Variants in ATP13A4 observed in about 807,000 individuals in gnomAD.
ATP13A4 encodes probable cation-transporting ATPase 13A4.
In ATP13A4, 114 loss-of-function variants were observed where a neutral mutation model predicts 142.5. That is an observed-to-expected ratio of 0.80 (90% CI 0.69 to 0.93). The LOEUF is 0.93. Among genes scored for constraint, ATP13A4 ranks in the 40% least tolerant of loss-of-function variants. ATP13A4 has a pLI of 0.00. For missense variants in ATP13A4, 1,392 were observed against 1,454.0 expected (o/e 0.96, Z 0.69); for synonymous variants, 488 against 514.8 (o/e 0.95, Z 0.70).
intron 26 of ATP13A4, among the ~76,000 whole-genome samples, chr3:193,413,331 C>T (rs905172686): frequency 1.3e-5 from 2 of 152,078 alleles, no homozygotes; most frequent in Non-Finnish European, 2.9e-5. Context: ...CACCTCAGGA[C>T]CACTATTGTA....
At chr3:193,505,368 T>C (rs942077820) in intron 2 of ATP13A4, among the ~76,000 whole-genome samples, 1 of 152,154 alleles carries the variant, frequency 6.6e-6, no homozygotes, top group Non-Finnish European at 1.5e-5. Flanking sequence ...AAAGGCCATA[T>C]TAATCCAGTG....
At chr3:193,554,924 ACTC>A, upstream of ATP13A4, 1 of 1,603,678 alleles carries the variant, frequency 6.2e-7, no homozygotes, top group Non-Finnish European at 8.5e-7. Flanking sequence ...CCAGGTTAAA[ACTC>A]CTCCTTGAGC....
intron 2 of ATP13A4, among the ~76,000 whole-genome samples, chr3:193,578,296 AATATCTATATCTATATCTATATCT>A (rs60425298): frequency 7.5e-5 from 11 of 146,394 alleles, no homozygotes; most frequent in African/African-American, 2.5e-4. Flanking sequence ...CCATCTCAGA[AATATCTATATCTATATCTATATCT>A]ATATCTATAT....
intron 7 of ATP13A4, among the ~76,000 whole-genome samples, chr3:193,487,878 A>T (rs948852023): frequency 6.6e-6 from 1 of 152,226 alleles, no homozygotes; most frequent in Non-Finnish European, 1.5e-5. Flanking sequence ...AACCAAATAC[A>T]TATCAACATT....
chr3:193,495,201 T>C (rs1720156900), intron 3 of ATP13A4, among the ~76,000 whole-genome samples: 2 of 152,052 alleles, frequency 1.3e-5, no homozygotes, highest in South Asian at 2.1e-4. Context: ...ACTCAGACTA[T>C]TCCAGAAAAT....
intron 12 of ATP13A4, 77 bp downstream of exon 12, chr3:193,464,863 C>G: frequency 6.7e-7 from 1 of 1,486,722 alleles, no homozygotes; most frequent in East Asian, 2.3e-5. Flanking sequence ...TCCTGCCTTG[C>G]AAGGGGGTAA....
At chr3:193,436,660 C>T (rs1261536720) in intron 23 of ATP13A4, among the ~76,000 whole-genome samples, 5 of 151,572 alleles carry the variant, frequency 3.3e-5, no homozygotes, top group Non-Finnish European at 7.4e-5. Flanking sequence ...TCACGTTGGC[C>T]AAGCTGGTCT....
At chr3:193,481,088 C>T (rs1719265187) in intron 8 of ATP13A4, among the ~76,000 whole-genome samples, 1 of 152,054 alleles carries the variant, frequency 6.6e-6, no homozygotes, top group Non-Finnish European at 1.5e-5. Context: ...GACACAAAGG[C>T]ATAAGAATGA....
In ATP13A4 at chr3:193,510,184, C is replaced by T. The variant is rs375357807; in HGVS notation, c.234+4514G>A. On this transcript the variant is annotated intron_variant, in intron 2 of 29. Transcript: ENST00000342695. The stretch of plus-strand genomic sequence containing the variant: ...GCGACCCAGTGAACACAGATGCTGC[C>T]GCCTGACGAGAATACTGGTACACTG... Among the ~76,000 whole-genome samples, 262 of 152,148 alleles carry T rather than the reference C, an allele frequency of 1.7e-3. 1 individual carries two copies. In the Middle Eastern group the frequency reaches 0.02, roughly 12 times the overall value.
chr3:193,494,831 T>C (rs1560231362), intron 3 of ATP13A4, among the ~76,000 whole-genome samples: 1 of 151,724 alleles, frequency 6.6e-6, no homozygotes, highest in Non-Finnish European at 1.5e-5. Flanking sequence ...CTGGATTTTT[T>C]AAAAGATAGA....
In ATP13A4 at chr3:193,486,296, T is replaced by C. The variant is rs961483791; in HGVS notation, c.739-2291A>G. Among the ~76,000 whole-genome samples the C allele has an allele frequency of 2.0e-5, 3 of 152,086 alleles. No homozygotes were observed. In the East Asian group the frequency reaches 5.8e-4, roughly 29 times the overall value. On this transcript the variant is annotated intron_variant, in intron 7 of 29. Transcript: ENST00000342695. ...TATTGTAAGACCAATGGGAATATTT[T>C]GAAGCATTTTAGTGATAAAAGCATG... is the stretch of plus-strand genomic sequence containing the variant.
chr3:193,472,741 G>A (rs1285637177), intron 8 of ATP13A4, among the ~76,000 whole-genome samples: 1 of 152,176 alleles, frequency 6.6e-6, no homozygotes, highest in Non-Finnish European at 1.5e-5. Context: ...ATCAGACTCA[G>A]TACTACCCAT....
chr3:193,423,778 G>T (rs900583657), intron 25 of ATP13A4, among the ~76,000 whole-genome samples: 2 of 149,332 alleles, frequency 1.3e-5, no homozygotes, highest in African/African-American at 4.9e-5. Context: ...AGAAAAGGAT[G>T]CCCACTTTTG....
intron 3 of ATP13A4, among the ~76,000 whole-genome samples, chr3:193,494,689 A>G (rs1720128941): frequency 6.6e-6 from 1 of 152,044 alleles, no homozygotes; most frequent in African/African-American, 2.4e-5. Flanking sequence ...GATCTCAAAT[A>G]CACAATCTAA....
In ATP13A4 at chr3:193,401,133, A is replaced by G. The variant is rs1321291340; in HGVS notation, c.*1519T>C. 6.6e-6 allele frequency among the ~76,000 whole-genome samples: 1 copy of G among 152,148 alleles called. No individual in the cohort carries two copies. Among genetic ancestry groups the G allele is most frequent in the Non-Finnish European group, 1.5e-5 (1 of 68,020 alleles). ...GGGGGAAGGAATGCTTGCAAATGCT[A>G]TTGATAAGTTCCAAAGCCAGCCTGG... On this transcript the variant is annotated 3_prime_UTR_variant, in exon 30 of 30. Transcript: ENST00000342695.
intron 23 of ATP13A4, 98 bp from the exon 24 acceptor site, chr3:193,435,842 A>G (rs1414393285): frequency 6.6e-6 from 7 of 1,058,758 alleles, no homozygotes; most frequent in Non-Finnish European, 1.0e-5. Context: ...AAAAAAAATC[A>G]AAAGTCATTA....
intron 2 of ATP13A4, among the ~76,000 whole-genome samples, chr3:193,575,297 A>C (rs1724368098): frequency 2.0e-5 from 3 of 152,224 alleles, no homozygotes; most frequent in Admixed American, 2.0e-4. Context: ...TTTAACTATC[A>C]TCATAGAAGT....
intron 29 of ATP13A4, among the ~76,000 whole-genome samples, chr3:193,406,247 G>A (rs555452378): frequency 2.1e-4 from 32 of 152,272 alleles, no homozygotes; most frequent in African/African-American, 7.2e-4. Flanking sequence ...CTGAAATTCT[G>A]TGTCCTGTTC....
At chr3:193,481,020 A>G (rs1177483737) in intron 8 of ATP13A4, among the ~76,000 whole-genome samples, 2 of 152,236 alleles carry the variant, frequency 1.3e-5, no homozygotes, top group East Asian at 3.9e-4. Flanking sequence ...GAAGTAACTC[A>G]GGAATGGAAA....
Sources: allele counts gnomAD v4.1 joint callset (sites outside exome capture counted in the v4.1 genomes callset), GRCh38; gene constraint gnomAD v4.1.1; transcripts MANE v1.5; gene names NCBI Gene and HGNC (gene_info 2026-07-23, HGNC 2026-07-21).